Variants in TENM4 observed in about 807,000 individuals in gnomAD.
TENM4 encodes the protein teneurin transmembrane protein 4, also known as teneurin-4.
A neutral mutation model predicts 243.3 loss-of-function variants in TENM4; 82 were observed. The observed-to-expected ratio is 0.34, with a 90% CI of 0.28 to 0.40. TENM4 has a LOEUF of 0.40. Among genes scored for constraint, TENM4 ranks in the 10% least tolerant of loss-of-function variants. The pLI, the probability that TENM4 is intolerant of heterozygous loss-of-function variation, is 1.00. For synonymous variants in TENM4, 1,412 were observed against 1,456.3 expected, an observed-to-expected ratio of 0.97 and a Z score of 0.69; for missense variants, 3,138 against 3,673.3, an observed-to-expected ratio of 0.85 and a Z score of 3.77.
chr11:78,930,911 C>T (rs1376415335), intron 6 of TENM4, among the ~76,000 whole-genome samples: 1 of 152,154 alleles, frequency 6.6e-6, no homozygotes, highest in Non-Finnish European at 1.5e-5. Context: ...ATCTTTTGGG[C>T]CCAGACTTCA....
chr11:78,899,571 GA>G (rs71473386), intron 7 of TENM4, among the ~76,000 whole-genome samples: 6,120 of 79,150 alleles, frequency 0.077, 1,011 homozygotes, highest in Middle Eastern at 0.11. Flanking sequence ...GGGGGGGGGG[GA>G]AAAAGAAAAA....
rs190225866 is a variant in TENM4, at chr11:79,319,605, C to T, written c.-320-22062G>A. On this transcript the variant is annotated intron_variant, in intron 1 of 33. Coordinates refer to ENST00000278550, the MANE Select transcript of TENM4 (RefSeq NM_001098816.3). ...CATGCTGGAAGGACTGCCAGCAACG[C>T]GCAGCCTGATCTGAAGCCTTGAGTA... 8.3e-4 allele frequency among the ~76,000 whole-genome samples: 126 copies of T among 152,256 alleles called. 1 individual carries two copies. The highest frequency in any genetic ancestry group is 1.6e-3 in the Non-Finnish European group (107 of 68,024).
intron 6 of TENM4, among the ~76,000 whole-genome samples, chr11:79,037,617 C>G (rs1421983441): frequency 6.6e-6 from 1 of 152,174 alleles, no homozygotes; most frequent in Non-Finnish European, 1.5e-5. Flanking sequence ...AGAAATCCTT[C>G]CCTAATCAAC....
Position 78,805,277 on chromosome 11 carries a change from T to TGCCCCCCCCCCCCCCCCCCCCC in TENM4, c.2179+14_2179+15insGGGGGGGGGGGGGGGGGGGGGC. The TGCCCCCCCCCCCCCCCCCCCCC allele has an allele frequency of 3.3e-4, 462 of 1,402,450 alleles. No individual in the cohort carries two copies. Among genetic ancestry groups the TGCCCCCCCCCCCCCCCCCCCCC allele is most frequent in the East Asian group, 1.3e-3 (41 of 32,212 alleles). The allele number at this position is 1,402,450 out of a possible 1,614,324, so 86.9% of individuals were successfully genotyped here. ...CCCCTCCCTCTACCCATGCTTCTTC[T>TGCCCCCCCCCCCCCCCCCCCCC]CCCCCTGCATTTACCGATAGAACAG... On this transcript the variant is annotated intron_variant, in intron 15 of 33. Coordinates refer to ENST00000278550, the MANE Select transcript of TENM4 (RefSeq NM_001098816.3).
At chr11:79,030,976 G>C (rs1035161885) in intron 6 of TENM4, among the ~76,000 whole-genome samples, 1 of 152,142 alleles carries the variant, frequency 6.6e-6, no homozygotes, top group Admixed American at 6.5e-5. Flanking sequence ...AGGCAGAGAA[G>C]GACAGAGAAA....
chr11:79,220,517 G>A (rs1322952881), intron 2 of TENM4, among the ~76,000 whole-genome samples: 5 of 152,152 alleles, frequency 3.3e-5, no homozygotes, highest in Admixed American at 3.3e-4. Context: ...CTGACCCTTA[G>A]TATATACATA....
intron 28 of TENM4, among the ~76,000 whole-genome samples, chr11:78,696,771 T>C (rs1858976853): frequency 6.6e-6 from 1 of 152,158 alleles, no homozygotes; most frequent in African/African-American, 2.4e-5. Context: ...CTCCCAGCAG[T>C]CTTCTGCCCT....
chr11:78,753,788 T>C (rs895756793), intron 19 of TENM4, among the ~76,000 whole-genome samples: 4 of 152,208 alleles, frequency 2.6e-5, no homozygotes, highest in African/African-American at 9.6e-5. Flanking sequence ...GCAAATACTA[T>C]ATCCCTGGCC....
intron 7 of TENM4, among the ~76,000 whole-genome samples, chr11:78,896,667 A>G (rs1244312704): frequency 6.6e-6 from 1 of 152,056 alleles, no homozygotes; most frequent in African/African-American, 2.4e-5. Flanking sequence ...TCTCAGCTAA[A>G]AATTCCTTTC....
chr11:79,249,323 G>T (rs994705480), intron 2 of TENM4, among the ~76,000 whole-genome samples: 1 of 152,154 alleles, frequency 6.6e-6, no homozygotes. Flanking sequence ...AAGCACAAAA[G>T]CCGAGATTTG....
chr11:79,340,893 C>T (rs1857231004), intron 1 of TENM4, among the ~76,000 whole-genome samples: 1 of 152,184 alleles, frequency 6.6e-6, no homozygotes, highest in Non-Finnish European at 1.5e-5. Context: ...AAGTATGTTA[C>T]CTTACATGGT....
In TENM4 at chr11:78,897,956, CA is replaced by C. The variant is rs1231829366; in HGVS notation, c.749+5311del. Among the ~76,000 whole-genome samples the C allele has an allele frequency of 2.0e-5, 3 of 152,334 alleles. No homozygotes were observed. In the East Asian group the frequency reaches 5.8e-4, roughly 29 times the overall value. On this transcript the variant is annotated intron_variant, in intron 7 of 33. Coordinates refer to ENST00000278550, the MANE Select transcript of TENM4 (RefSeq NM_001098816.3). ...GAGATGAGCTGGAGCCAAGGTCTGG[CA>C]GCCTTCTGCTCTGACTTCCCCTCAC...
intron 1 of TENM4, among the ~76,000 whole-genome samples, chr11:79,321,951 T>C (rs1368222069): frequency 6.6e-6 from 1 of 152,132 alleles, no homozygotes; most frequent in Non-Finnish European, 1.5e-5. Context: ...GGATGTACCA[T>C]GTCTGGGCCA....
chr11:79,410,064 C>A (rs1290576463), intron 1 of TENM4, among the ~76,000 whole-genome samples: 2 of 152,104 alleles, frequency 1.3e-5, no homozygotes, highest in Non-Finnish European at 1.5e-5. Flanking sequence ...AGCAAAAAAA[C>A]CCATAGTTTT....
chr11:79,190,296 C>T (rs184669536), intron 3 of TENM4, among the ~76,000 whole-genome samples: 1 of 152,332 alleles, frequency 6.6e-6, no homozygotes, highest in East Asian at 1.9e-4. Flanking sequence ...CAAGTCTCAG[C>T]TTCCTCATAA....
chr11:79,215,993 T>A, intron 2 of TENM4, 84 bp from the exon 3 acceptor site: 1 of 338,874 alleles, frequency 3.0e-6, no homozygotes, highest in Non-Finnish European at 4.2e-6. Flanking sequence ...GCTCCAGCAG[T>A]CATTGCAAAC....
chr11:78,708,971 T>TCC (rs1181101071), intron 26 of TENM4, among the ~76,000 whole-genome samples: 1 of 105,872 alleles, frequency 9.4e-6, no homozygotes, highest in African/African-American at 3.3e-5. Flanking sequence ...TTTTCTTTCT[T>TCC]TTTTTTTTTT....
At chr11:79,419,864 G>A (rs539294849) in intron 1 of TENM4, among the ~76,000 whole-genome samples, 64 of 152,276 alleles carry the variant, frequency 4.2e-4, no homozygotes, top group African/African-American at 1.3e-3. Context: ...CTACCTAGGT[G>A]AGCCAAATTA....
At chr11:78,889,622 C>T (rs1449596437) in intron 9 of TENM4, among the ~76,000 whole-genome samples, 163 bp downstream of exon 9, 2 of 152,202 alleles carry the variant, frequency 1.3e-5, no homozygotes, top group Admixed American at 1.3e-4. Flanking sequence ...GCTGCCCTTG[C>T]AGTGTCAGGG....
Sources: gnomAD v4.1 joint callset for allele counts (sites outside exome capture counted in the v4.1 genomes callset) on GRCh38, gnomAD v4.1.1 for gene constraint, MANE v1.5 for transcripts, NCBI Gene and HGNC (gene_info 2026-07-23, HGNC 2026-07-21) for gene names.